MIER2: variants seen among roughly 807,000 people sequenced by gnomAD.
MIER2 encodes the protein MIER family member 2, also known as mesoderm induction early response protein 2.
A neutral mutation model predicts 67.6 loss-of-function variants in MIER2; 30 were observed. The observed-to-expected ratio is 0.44, with a 90% CI of 0.33 to 0.60. The LOEUF is 0.60. Ranked by LOEUF, MIER2 falls within the 20% of genes least tolerant of loss-of-function variation. The pLI is 0.02. For missense variants in MIER2, 702 were observed against 745.1 expected (o/e 0.94, Z 0.67); for synonymous variants, 372 against 312.6 (o/e 1.19, Z -2.00).
Position 307,144 on chromosome 19 carries a change from C to A in MIER2, c.1591G>T (p.Gly531Trp). 6.3e-7 allele frequency: 1 copy of A among 1,586,154 alleles called. No homozygotes were observed. The highest frequency in any genetic ancestry group is 2.3e-5 in the East Asian group (1 of 43,614). The part of the protein sequence containing the change: ...LAAHPTCPAP[G>W]LHSEPLSHCN... ...TGTGACAGGGGCTCCGAGTGTAGCC[C>A]GGGGGCCGGGCACGTGGGGTGGGCG... Residue 531 changes from glycine to tryptophan, a missense_variant, in exon 13 of 14, where the codon GGG becomes TGG. Gly to Trp is a radical substitution (Grantham distance 184). Coordinates refer to ENST00000264819, the MANE Select transcript of MIER2 (RefSeq NM_017550.3).
chr19:324,945 C>A (rs1971673704), intron 7 of MIER2, among the ~76,000 whole-genome samples: 1 of 152,250 alleles, frequency 6.6e-6, no homozygotes, highest in African/African-American at 2.4e-5. Context: ...CCCCGACCAG[C>A]CCCAGGAGGA....
intron 3 of MIER2, among the ~76,000 whole-genome samples, chr19:331,125 G>A (rs528278626): frequency 6.6e-6 from 1 of 152,158 alleles, no homozygotes; most frequent in East Asian, 1.9e-4. Context: ...TTGGGAGGCT[G>A]AGATGGCAGG....
At chr19:324,077 ACG>A (rs1971620073) in intron 7 of MIER2, among the ~76,000 whole-genome samples, 1 of 130,536 alleles carries the variant, frequency 7.7e-6, no homozygotes. Context: ...ACACACAACC[ACG>A]CAGACGACTC....
rs1281524153 is a variant in MIER2 at position 308,964 on chromosome 19, G to A, written c.985-39C>T. 6.3e-7 allele frequency: 1 copy of A among 1,580,030 alleles called. No homozygotes were observed. Among genetic ancestry groups the A allele is most frequent in the Non-Finnish European group, 8.6e-7 (1 of 1,156,466 alleles). The stretch of plus-strand genomic sequence containing the variant: ...TCAGGAGCCATCTCTGTCCCCGGCT[G>A]CCCAGCCCCAGCACCTGCACCACGA... On this transcript the variant is annotated intron_variant, in intron 10 of 13. Coordinates refer to ENST00000264819, the MANE Select transcript of MIER2 (RefSeq NM_017550.3). The surrounding 1 kb of genome is among the most constrained non-coding windows in gnomAD (Gnocchi z 9.1).
chr19:309,055 C>G, intron 10 of MIER2, 130 bp from the exon 11 acceptor site: 3 of 1,324,850 alleles, frequency 2.3e-6, no homozygotes, highest in Non-Finnish European at 3.1e-6. Context: ...TCTCAGATAA[C>G]GCAAGACCCC....
intron 3 of MIER2, among the ~76,000 whole-genome samples, chr19:333,670 C>T (rs1453761697): frequency 2.6e-4 from 23 of 87,462 alleles, no homozygotes; most frequent in African/African-American, 1.0e-3. Context: ...TGCACCACCA[C>T]GCCTGGCTAA....
intron 7 of MIER2, among the ~76,000 whole-genome samples, chr19:318,593 A>G (rs915163295): frequency 2.6e-5 from 4 of 152,234 alleles, no homozygotes; most frequent in Admixed American, 2.6e-4. Context: ...AGCGGATCCA[A>G]GGGAATACAC....
At position 307,090 on chromosome 19, in the gene MIER2, G is replaced by A. The variant is rs199962520; in HGVS notation, c.1616+29C>T. On this transcript the variant is annotated intron_variant, in intron 13 of 13. Coordinates refer to ENST00000264819, the MANE Select transcript of MIER2 (RefSeq NM_017550.3). ...TGGGGGGACCTGGTTGGAGTGTTGC[G>A]GAGGCTCCGGGCATGGGGTGGCACT... 1.1e-4 allele frequency: 173 copies of A among 1,554,102 alleles called. No homozygotes were observed. The Middle Eastern group carries it at 3.8e-3, about 34-fold the overall frequency.
In MIER2 at chr19:308,709, G is replaced by GC. The variant is rs746842486; in HGVS notation, c.1110-45dup. The GC allele has an allele frequency of 3.0e-5, 48 of 1,595,182 alleles. No individual in the cohort carries two copies. Among genetic ancestry groups the GC allele is most frequent in the Non-Finnish European group, 3.7e-5 (43 of 1,170,762 alleles). On this transcript the variant is annotated intron_variant, in intron 11 of 13. Transcript: ENST00000264819. The surrounding 1 kb of genome is among the most constrained non-coding windows in gnomAD (Gnocchi z 9.1). ...ATGAGGGGCGGCAGACAGGACAGAC[G>GC]CCCCCACCCAAGAGGTGCCGCCCAG...
intron 1 of MIER2, 21 bp downstream of exon 1, chr19:344,753 T>A (rs1039339487): frequency 4.3e-6 from 5 of 1,172,274 alleles, no homozygotes; most frequent in Non-Finnish European, 5.3e-6. Flanking sequence ...GGGGGCCGGC[T>A]CCCCCGGCCC....
chr19:308,587 C>A lies in MIER2; in HGVS notation c.1188G>T (p.Gly396=). The part of the protein sequence containing the change: ...RPRPEQDTLT[G]MRTDPLSVDG... ...CTCCCCAAGCCTCACCTGTGCGCAT[C>A]CCAGTCAGGGTGTCTTGCTCCGGGC... Residue 396 remains glycine, a synonymous_variant, in exon 12 of 14, where the codon GGG becomes GGT. Coordinates refer to ENST00000264819, the MANE Select transcript of MIER2 (RefSeq NM_017550.3). This position sits in a 1 kb window ranked among gnomAD's most constrained non-coding sequence, Gnocchi z 9.1. 1 of 1,604,100 alleles carries A rather than the reference C, an allele frequency of 6.2e-7. No homozygotes were observed. The highest frequency in any genetic ancestry group is 8.5e-7 in the Non-Finnish European group (1 of 1,176,918).
At chr19:311,557 A>T (rs913744005) in intron 10 of MIER2, among the ~76,000 whole-genome samples, 11 of 152,258 alleles carry the variant, frequency 7.2e-5, no homozygotes, top group Admixed American at 3.3e-4. Context: ...CTTGAAGATG[A>T]GGTGCCCAGG....
At chr19:337,264 G>A (rs1447442821) in intron 1 of MIER2, among the ~76,000 whole-genome samples, 9 of 152,108 alleles carry the variant, frequency 5.9e-5, no homozygotes, top group Non-Finnish European at 1.0e-4. Context: ...ATGCAAGGTC[G>A]ATTTAATATC....
Position 309,584 on chromosome 19 carries a change from A to G in MIER2, c.985-659T>C, listed in dbSNP as rs1282297203. Among the ~76,000 whole-genome samples, 17 of 148,682 alleles carry G rather than the reference A, an allele frequency of 1.1e-4. 1 individual carries two copies. The highest frequency in any genetic ancestry group is 4.0e-4 in the African/African-American group (16 of 39,790). On this transcript the variant is annotated intron_variant, in intron 10 of 13. Coordinates refer to ENST00000264819, the MANE Select transcript of MIER2 (RefSeq NM_017550.3). ...GGGAGACGAGAAGGGACACACACAC[A>G]CACACACACAAGGCTTCAGGGAGAC...
At chr19:331,720 A>G (rs561132171) in intron 3 of MIER2, among the ~76,000 whole-genome samples, 15 of 152,120 alleles carry the variant, frequency 9.9e-5, no homozygotes, top group Admixed American at 9.8e-4. Flanking sequence ...GTGGTGGCTC[A>G]TGCCTGTAAT....
At chr19:325,596 A>G (rs1213946545) in intron 7 of MIER2, 39 bp downstream of exon 7, 6 of 1,611,744 alleles carry the variant, frequency 3.7e-6, no homozygotes, top group African/African-American at 1.3e-5. Flanking sequence ...CTCCCCTTGC[A>G]GAAGTGGGTT....
Position 324,573 on chromosome 19 carries a change from C to A in MIER2, c.655+1062G>T, listed in dbSNP as rs535797686. ...AACCACACAGACGACTCGAATGACA[C>A]AGACGTCATCACAATGCAATACACA... On this transcript the variant is annotated intron_variant, in intron 7 of 13. Transcript: ENST00000264819. Among the ~76,000 whole-genome samples, 143 of 139,414 alleles carry A rather than the reference C, an allele frequency of 1.0e-3. 20 individuals carry two copies. Among genetic ancestry groups the A allele is most frequent in the African/African-American group, 4.0e-3 (138 of 34,568 alleles). The allele number at this position is 139,414 out of a possible 152,430, so 91.5% of individuals were successfully genotyped here.
intron 12 of MIER2, among the ~76,000 whole-genome samples, chr19:307,909 T>C (rs985986258): frequency 6.7e-5 from 8 of 119,490 alleles, no homozygotes; most frequent in African/African-American, 3.3e-4. Context: ...ACAGGGTCTT[T>C]GGAAGTTTTG....
At chr19:326,843 G>A in intron 5 of MIER2, 2 of 586,384 alleles carry the variant, frequency 3.4e-6, no homozygotes, top group Non-Finnish European at 6.0e-6. Flanking sequence ...AGGAAAGCCA[G>A]CACAGAGGCT....
Sources: gnomAD v4.1 joint callset for allele counts (sites outside exome capture counted in the v4.1 genomes callset) on GRCh38, gnomAD v4.1.1 for gene constraint, Gnocchi (gnomAD v3.1) non-coding constraint, MANE v1.5 for transcripts, NCBI Gene and HGNC (gene_info 2026-07-23, HGNC 2026-07-21) for gene names.